CADM1: variants seen among roughly 807,000 people sequenced by gnomAD.
The protein encoded by CADM1 is TSLC-1.
CADM1 carries 15 observed loss-of-function variants against 53.1 expected under a neutral mutation model. The observed-to-expected ratio is 0.28, with a 90% CI of 0.19 to 0.44. The LOEUF (loss-of-function observed/expected upper bound fraction) is 0.44, where lower values mean the gene tolerates loss of function less well. CADM1 is among the 20% of genes least tolerant of loss of function. The probability of loss-of-function intolerance (pLI) is 1.00; values close to 1 mark genes in which losing one functional copy is unlikely to be tolerated. For missense variants in CADM1, 434 were observed against 611.3 expected, an observed-to-expected ratio of 0.71 and a Z score of 3.06; for synonymous variants, 281 against 243.0, an observed-to-expected ratio of 1.16 and a Z score of -1.45.
intron 10 of CADM1, among the ~76,000 whole-genome samples, chr11:115,179,868 T>C (rs899201561): frequency 3.9e-5 from 6 of 152,206 alleles, no homozygotes; most frequent in Admixed American, 3.3e-4. Flanking sequence ...GATTTACCAT[T>C]TGAATCTTTC....
intron 1 of CADM1, among the ~76,000 whole-genome samples, chr11:115,409,487 A>C (rs1460724159): frequency 1.3e-5 from 2 of 152,136 alleles, no homozygotes; most frequent in Non-Finnish European, 1.5e-5. Context: ...AACAATCTTC[A>C]TTCATTCACT....
chr11:115,284,128 G>C (rs1365566842), intron 1 of CADM1, among the ~76,000 whole-genome samples: 2,951 of 47,430 alleles, frequency 0.062, 60 homozygotes, highest in Admixed American at 0.19. Context: ...GTGTGTGTGT[G>C]TGTGTGTGTG....
chr11:115,472,376 G>A (rs1358299377), intron 1 of CADM1, among the ~76,000 whole-genome samples: 5 of 152,148 alleles, frequency 3.3e-5, no homozygotes, highest in African/African-American at 1.2e-4. Flanking sequence ...TCAGAAGGAA[G>A]AGCATATATT....
chr11:115,378,753 G>A (rs1166435422), intron 1 of CADM1, among the ~76,000 whole-genome samples: 1 of 152,206 alleles, frequency 6.6e-6, no homozygotes, highest in African/African-American at 2.4e-5. Context: ...ACATAGCCAT[G>A]CTCATTCGTT....
chr11:115,499,856 TAC>T (rs1358704327), intron 1 of CADM1, among the ~76,000 whole-genome samples: 1 of 152,254 alleles, frequency 6.6e-6, no homozygotes, highest in African/African-American at 2.4e-5. Flanking sequence ...CCCAAAATGT[TAC>T]ATTTTCTATT....
intron 1 of CADM1, among the ~76,000 whole-genome samples, chr11:115,411,850 CA>C (rs1475832716): frequency 1.3e-5 from 2 of 152,104 alleles, no homozygotes; most frequent in East Asian, 3.9e-4. Flanking sequence ...AAAACAAATA[CA>C]AAGTAAATTA....
intron 1 of CADM1, among the ~76,000 whole-genome samples, chr11:115,344,862 ACG>A (rs1367054181): frequency 1.3e-5 from 2 of 152,204 alleles, no homozygotes; most frequent in Non-Finnish European, 2.9e-5. Flanking sequence ...TTTCCCCATT[ACG>A]TGTCTACAGA....
At position 115,214,620 on chromosome 11, in the gene CADM1, G is replaced by A; in HGVS notation, c.982C>T (p.Leu328=). 3.1e-6 allele frequency: 5 copies of A among 1,613,838 alleles called. No homozygotes were observed. Among genetic ancestry groups the A allele is most frequent in the South Asian group, 1.1e-5 (1 of 91,076 alleles). The change falls in exon 7 of 12, where the codon CTG becomes TTG. Residue 328 remains leucine (L), a synonymous_variant. Coordinates refer to ENST00000331581, the MANE Select transcript of CADM1 (RefSeq NM_001301043.2). ...TCTTCTCACGTACCGTATACATACA[G>A]CATATAATCCGAGTGAGCTTTCCCC... The part of the protein sequence containing the change: ...IVGKAHSDYM[L]YVYDPPTTIP...
At chr11:115,289,383 T>A (rs1273262475) in intron 1 of CADM1, among the ~76,000 whole-genome samples, 1 of 151,732 alleles carries the variant, frequency 6.6e-6, no homozygotes, top group Non-Finnish European at 1.5e-5. Flanking sequence ...AAAAAATAAA[T>A]AAATCAAGTT....
intron 1 of CADM1, among the ~76,000 whole-genome samples, chr11:115,447,487 A>G (rs572778385): frequency 2.0e-5 from 3 of 152,194 alleles, no homozygotes; most frequent in Non-Finnish European, 2.9e-5. Context: ...CTGCTCTGTG[A>G]AAATGGATCT....
intron 10 of CADM1, among the ~76,000 whole-genome samples, chr11:115,187,489 C>T (rs925747150): frequency 2.0e-5 from 3 of 152,112 alleles, no homozygotes; most frequent in Admixed American, 6.5e-5. Context: ...AGTACAGCGG[C>T]GTCATCTCGG....
At chr11:115,341,794 T>A (rs1385712849) in intron 1 of CADM1, among the ~76,000 whole-genome samples, 1 of 152,180 alleles carries the variant, frequency 6.6e-6, no homozygotes, top group Non-Finnish European at 1.5e-5. Context: ...AGAAAATAAA[T>A]AGCAGAACTT....
At chr11:115,259,940 T>G (rs1942921396) in intron 1 of CADM1, among the ~76,000 whole-genome samples, 1 of 152,188 alleles carries the variant, frequency 6.6e-6, no homozygotes, top group Admixed American at 6.5e-5. Context: ...TGTTTTTTGT[T>G]TTTTTGACAG....
intron 1 of CADM1, among the ~76,000 whole-genome samples, chr11:115,383,447 TATTAGCTAATAG>T (rs1205143201): frequency 2.6e-5 from 4 of 152,248 alleles, no homozygotes; most frequent in African/African-American, 9.6e-5. Flanking sequence ...TAGGATCCTG[TATTAGCTAATAG>T]GCAAGAAGAA....
At chr11:115,218,041 G>T in intron 5 of CADM1, 50 bp from the exon 6 acceptor site, 1 of 1,356,374 alleles carries the variant, frequency 7.4e-7, no homozygotes. Context: ...ATATCATCAG[G>T]CAAAATCAGA....
chr11:115,493,065 GGA>G, intron 1 of CADM1, among the ~76,000 whole-genome samples: 1 of 151,896 alleles, frequency 6.6e-6, no homozygotes, highest in Non-Finnish European at 1.5e-5. Context: ...TTGACTAAAA[GGA>G]ATCAGGATTC....
chr11:115,483,253 C>A (rs1427015095), intron 1 of CADM1, among the ~76,000 whole-genome samples: 1 of 152,140 alleles, frequency 6.6e-6, no homozygotes, highest in African/African-American at 2.4e-5. Context: ...ATGGCCAGAC[C>A]TCATGAAGCT....
At chr11:115,355,707 AACACACACACAC>A (rs71066418) in intron 1 of CADM1, among the ~76,000 whole-genome samples, 53 of 150,940 alleles carry the variant, frequency 3.5e-4, no homozygotes, top group Middle Eastern at 3.4e-3. Context: ...TTAAATTACT[AACACACACACAC>A]ACACACACAC....
At chr11:115,323,615 A>C (rs1296076928) in intron 1 of CADM1, among the ~76,000 whole-genome samples, 1 of 152,204 alleles carries the variant, frequency 6.6e-6, no homozygotes, top group Non-Finnish European at 1.5e-5. Context: ...AATGATGGTA[A>C]GAAGAATAAA....
Sources: allele counts gnomAD v4.1 joint callset (sites outside exome capture counted in the v4.1 genomes callset), GRCh38; gene constraint gnomAD v4.1.1; transcripts MANE v1.5; gene names NCBI Gene and HGNC (gene_info 2026-07-23, HGNC 2026-07-21).